The following SGMS2 variants were observed in gnomAD, a reference collection of about 807,000 sequenced individuals.
The protein encoded by SGMS2 is sphingomyelin synthase 2.
Under a neutral mutation model 43.8 loss-of-function variants are expected in SGMS2, and 21 were observed. That is an observed-to-expected ratio of 0.48 (90% CI 0.34 to 0.69). SGMS2 has a LOEUF of 0.69. Ranked by LOEUF, SGMS2 falls within the 30% of genes least tolerant of loss-of-function variation. The pLI, the probability that SGMS2 is intolerant of heterozygous loss-of-function variation, is 0.01. For missense variants in SGMS2, 384 were observed against 443.2 expected, an observed-to-expected ratio of 0.87 and a Z score of 1.20; for synonymous variants, 167 against 160.6, an observed-to-expected ratio of 1.04 and a Z score of -0.30.
At chr4:107,876,120 A>G (rs933761683) in intron 2 of SGMS2, among the ~76,000 whole-genome samples, 2 of 152,180 alleles carry the variant, frequency 1.3e-5, no homozygotes, top group African/African-American at 2.4e-5. Context: ...GTATTAAGCT[A>G]TTTCTTGAAC....
chr4:107,881,230 A>T (rs1729315327), intron 2 of SGMS2, among the ~76,000 whole-genome samples: 1 of 152,084 alleles, frequency 6.6e-6, no homozygotes, highest in African/African-American at 2.4e-5. Context: ...CTGTACCCCC[A>T]ATCTAAAATA....
At chr4:107,910,077 C>T (rs1731981230) in intron 6 of SGMS2, among the ~76,000 whole-genome samples, 1 of 152,058 alleles carries the variant, frequency 6.6e-6, no homozygotes, top group Non-Finnish European at 1.5e-5. Flanking sequence ...ATTATTCCTC[C>T]TGAATAATTC....
chr4:107,857,349 TG>T (rs1727479199), intron 1 of SGMS2, among the ~76,000 whole-genome samples: 1 of 151,966 alleles, frequency 6.6e-6, no homozygotes, highest in Non-Finnish European at 1.5e-5. Context: ...CTTGGACTGG[TG>T]TTTTCATTTT....
chr4:107,896,522 T>G (rs748376109), intron 3 of SGMS2, among the ~76,000 whole-genome samples: 3 of 152,158 alleles, frequency 2.0e-5, no homozygotes, highest in Non-Finnish European at 4.4e-5. Flanking sequence ...GCTGGGTGTG[T>G]GGATGTGGTT....
intron 1 of SGMS2, among the ~76,000 whole-genome samples, chr4:107,857,949 G>A (rs554726871): frequency 1.3e-5 from 2 of 152,202 alleles, no homozygotes; most frequent in South Asian, 4.1e-4. Flanking sequence ...CTTGCCTCAG[G>A]GCCTTTGGGC....
chr4:107,855,913 G>A (rs1727399276), intron 1 of SGMS2, among the ~76,000 whole-genome samples: 1 of 152,076 alleles, frequency 6.6e-6, no homozygotes, highest in African/African-American at 2.4e-5. Flanking sequence ...AGGGAACTAA[G>A]GCTCAGGGAA....
At chr4:107,876,697 T>G (rs972493722) in intron 2 of SGMS2, among the ~76,000 whole-genome samples, 2 of 152,232 alleles carry the variant, frequency 1.3e-5, no homozygotes, top group Non-Finnish European at 2.9e-5. Flanking sequence ...TAGAGAGTTA[T>G]AAAGTTATTT....
rs987159297 is a variant in SGMS2, at chr4:107,911,686, A to T, written c.*1133A>T. On this transcript the variant is annotated 3_prime_UTR_variant, in exon 7 of 7. Transcript: ENST00000690982. ...GCCGCAATTGAGTAATTTTACTTTT[A>T]CCCTATGAAAATAACATGGTGCTGC... 1 of 152,306 alleles carries T rather than the reference A, an allele frequency of 6.6e-6. No homozygotes were observed. The highest frequency in any genetic ancestry group is 2.4e-5 in the African/African-American group (1 of 41,576). The allele number at this position is 152,306 out of a possible 1,614,324, so 9.4% of individuals were successfully genotyped here. A position where few individuals can be genotyped will look rare whatever the true frequency, so the allele number is the denominator to read the frequency against.
At position 107,913,340 on chromosome 4, in the gene SGMS2, G is replaced by C. The variant is rs1732243881; in HGVS notation, c.*2787G>C. ...AAAGCATCCTTTCCTGAGTCCACTT[G>C]AACTAATTGTGAATTTGTTACTTAA... is the stretch of plus-strand genomic sequence containing the variant. On this transcript the variant is annotated 3_prime_UTR_variant, in exon 7 of 7. Coordinates refer to ENST00000690982, the MANE Select transcript of SGMS2 (RefSeq NM_001375905.1). 6.6e-6 allele frequency: 1 copy of C among 151,984 alleles called. No individual in the cohort carries two copies. The highest frequency in any genetic ancestry group is 1.5e-5 in the Non-Finnish European group (1 of 68,002). 9.4% of individuals were successfully genotyped at this position (151,984 alleles called of 1,614,324 possible). A position where few individuals can be genotyped will look rare whatever the true frequency, so the allele number is the denominator to read the frequency against.
chr4:107,877,355 A>G (rs572995370), intron 2 of SGMS2, among the ~76,000 whole-genome samples: 1 of 152,312 alleles, frequency 6.6e-6, no homozygotes, highest in African/African-American at 2.4e-5. Flanking sequence ...TAATCTATGC[A>G]GCCTCCTGTT....
chr4:107,857,903 G>T (rs79881807), intron 1 of SGMS2, among the ~76,000 whole-genome samples: 1 of 152,208 alleles, frequency 6.6e-6, no homozygotes, highest in South Asian at 2.1e-4. Flanking sequence ...TACTCCCGCC[G>T]TGCTTTCCAT....
chr4:107,908,795 C>G (rs930532985), intron 6 of SGMS2, 64 bp downstream of exon 6: 9 of 1,482,566 alleles, frequency 6.1e-6, no homozygotes, highest in African/African-American at 1.4e-5. Flanking sequence ...CTTTTCATGT[C>G]GTGGGGTTTT....
intron 1 of SGMS2, among the ~76,000 whole-genome samples, chr4:107,838,627 G>T (rs1355544849): frequency 1.3e-5 from 2 of 151,754 alleles, no homozygotes; most frequent in African/African-American, 4.8e-5. Flanking sequence ...GCCCTTCTTT[G>T]TCACTCCACT....
chr4:107,896,148 G>T, intron 3 of SGMS2, 140 bp downstream of exon 3: 1 of 774,940 alleles, frequency 1.3e-6, no homozygotes, highest in Non-Finnish European at 2.0e-6. Flanking sequence ...ACAGTAGAAA[G>T]CTCTACCACA....
At chr4:107,885,059 C>T (rs1729642514) in intron 2 of SGMS2, among the ~76,000 whole-genome samples, 1 of 152,080 alleles carries the variant, frequency 6.6e-6, no homozygotes, top group Admixed American at 6.6e-5. Context: ...GGTACCATGC[C>T]AGAGTGCAAA....
chr4:107,836,361 CAGTG>C (rs1324188787), intron 1 of SGMS2, among the ~76,000 whole-genome samples: 11 of 152,206 alleles, frequency 7.2e-5, no homozygotes, highest in African/African-American at 2.4e-4. Context: ...TGGAGTTACT[CAGTG>C]AGTGTCACAG....
At chr4:107,898,462 A>C (rs1032875945) in intron 3 of SGMS2, among the ~76,000 whole-genome samples, 2 of 152,166 alleles carry the variant, frequency 1.3e-5, no homozygotes, top group African/African-American at 4.8e-5. Flanking sequence ...CTGTTTTTTC[A>C]GAAGTCTTTG....
chr4:107,859,326 A>G (rs1727600731), intron 2 of SGMS2, among the ~76,000 whole-genome samples: 1 of 152,136 alleles, frequency 6.6e-6, no homozygotes, highest in Non-Finnish European at 1.5e-5. Context: ...TTTCTACCCT[A>G]AGATAGACAC....
chr4:107,886,824 G>T (rs981772170), intron 2 of SGMS2: 2 of 152,138 alleles, frequency 1.3e-5, no homozygotes, highest in Non-Finnish European at 2.9e-5. Flanking sequence ...CTCCAGTTGT[G>T]TCCTGTTATA....
Sources: gnomAD v4.1 joint callset for allele counts (sites outside exome capture counted in the v4.1 genomes callset) on GRCh38, gnomAD v4.1.1 for gene constraint, MANE v1.5 for transcripts, NCBI Gene and HGNC (gene_info 2026-07-23, HGNC 2026-07-21) for gene names.